Variants in FBXW12 observed in about 807,000 individuals in gnomAD.
FBXW12 encodes the protein F-box and WD repeat domain containing 12, also known as F-box/WD repeat-containing protein 12.
A neutral mutation model predicts 55.3 loss-of-function variants in FBXW12; 43 were observed. That is an observed-to-expected ratio of 0.78 (90% confidence interval 0.61 to 1.00). The LOEUF (loss-of-function observed/expected upper bound fraction) is 1.00. FBXW12 is among the 50% of genes least tolerant of loss of function. The pLI is 0.00. For synonymous variants in FBXW12, 184 were observed against 203.8 expected (o/e 0.90, Z 0.83); for missense variants, 524 against 560.5 (o/e 0.93, Z 0.66).
At chr3:48,373,844 G>A (rs1288047932) in intron 4 of FBXW12, 139 bp downstream of exon 4, 11 of 742,018 alleles carry the variant, frequency 1.5e-5, no homozygotes, top group Admixed American at 1.4e-4. Context: ...CTGGGTTGCC[G>A]TGATAGCCAT....
intron 6 of FBXW12, among the ~76,000 whole-genome samples, chr3:48,379,069 C>T (rs963135134): frequency 6.6e-6 from 1 of 152,162 alleles, no homozygotes; most frequent in African/African-American, 2.4e-5. Flanking sequence ...TTATATGTGC[C>T]TTTTCTTTCA....
chr3:48,372,447 C>G, intron 1 of FBXW12, 127 bp downstream of exon 1: 2 of 1,235,064 alleles, frequency 1.6e-6, no homozygotes, highest in East Asian at 2.6e-5. Flanking sequence ...GTTCTGACAA[C>G]TTCATCTGCA....
chr3:48,378,570 CTGTTG>C (rs766645801), intron 6 of FBXW12, 44 bp downstream of exon 6: 1 of 1,530,494 alleles, frequency 6.5e-7, no homozygotes, highest in Non-Finnish European at 9.0e-7. Flanking sequence ...AATCAAATGC[CTGTTG>C]TCTTGTCAGG....
At chr3:48,380,578 T>G in intron 7 of FBXW12, 124 bp from the exon 8 acceptor site, 2 of 699,720 alleles carry the variant, frequency 2.9e-6, no homozygotes, top group East Asian at 2.6e-5. Context: ...TCATCACTCC[T>G]GAGATATTGA....
In FBXW12 at chr3:48,380,719, C is replaced by G. The variant is rs2036754039; in HGVS notation, c.792C>G (p.Ser264=). ...CTCTTTAGGTATTCCTCACAGAGTC[C>G]TTACTGAGACCATCAGAAGGCAGTG... ...RTLPQVFLTE[S]LLRPSEGSVP... Residue 264 remains serine (S), a synonymous_variant, in exon 8 of 11, where the codon TCC becomes TCG. Coordinates refer to ENST00000296438, the MANE Select transcript of FBXW12 (RefSeq NM_207102.2). The G allele has an allele frequency of 6.2e-7, 1 of 1,613,736 alleles. No homozygotes were observed.
intron 6 of FBXW12, 88 bp downstream of exon 6, chr3:48,378,614 T>TC: frequency 3.8e-6 from 1 of 263,024 alleles, no homozygotes; most frequent in Non-Finnish European, 5.5e-6. Context: ...GTCCTATCCC[T>TC]TTTTTTTTTT....
intron 3 of FBXW12, 84 bp from the exon 4 acceptor site, chr3:48,373,464 G>A: frequency 6.2e-7 from 1 of 1,604,522 alleles, no homozygotes. Context: ...AAGTTAGTGT[G>A]AGTAGGGGGT....
At chr3:48,372,437 G>A in intron 1 of FBXW12, 117 bp downstream of exon 1, 1 of 1,320,096 alleles carries the variant, frequency 7.6e-7, no homozygotes, top group Non-Finnish European at 1.1e-6. Flanking sequence ...TTCCTAAAGG[G>A]TTCTGACAAC....
intron 10 of FBXW12, among the ~76,000 whole-genome samples, chr3:48,384,395 C>T (rs1257665542): frequency 6.6e-6 from 1 of 152,138 alleles, no homozygotes; most frequent in African/African-American, 2.4e-5. Context: ...TATCCCGCAA[C>T]CTTGCTAAAC....
chr3:48,381,749 C>G lies in FBXW12; in HGVS notation c.1035C>G (p.Ile345Met). Residue 345 changes from isoleucine (I) to methionine (M), a missense_variant, in exon 9 of 11, where the codon ATC becomes ATG. Coordinates refer to ENST00000296438, the MANE Select transcript of FBXW12 (RefSeq NM_207102.2). ...TGGCAGCTCATCTGAAGTGCCCTAT[C>G]TGGATGGGAGCCAGTGATGGATATA... ...FQVAAHLKCP[I>M]WMGASDGYMI... is the part of the protein sequence containing the mutation. The G allele has an allele frequency of 6.2e-7, 1 of 1,609,480 alleles. No homozygotes were observed. The highest frequency in any genetic ancestry group is 8.5e-7 in the Non-Finnish European group (1 of 1,177,126).
At chr3:48,394,376 TGC>T (rs2036975431) in intron 10 of FBXW12, among the ~76,000 whole-genome samples, 182 bp from the exon 11 acceptor site, 1 of 152,194 alleles carries the variant, frequency 6.6e-6, no homozygotes, top group African/African-American at 2.4e-5. Flanking sequence ...TTGCTATTCC[TGC>T]AAATAATAAT....
intron 5 of FBXW12, among the ~76,000 whole-genome samples, chr3:48,376,928 G>T (rs1455420407): frequency 6.6e-6 from 1 of 152,050 alleles, no homozygotes; most frequent in Non-Finnish European, 1.5e-5. Context: ...GTTATCCTGC[G>T]CTTACCCCAC....
At chr3:48,382,201 C>T in intron 10 of FBXW12, 116 bp downstream of exon 10, 1 of 1,162,406 alleles carries the variant, frequency 8.6e-7, no homozygotes, top group Non-Finnish European at 1.2e-6. Context: ...ACTGCAACCT[C>T]CGACTCCCGG....
chr3:48,376,623 G>A (rs2036690175), intron 5 of FBXW12, among the ~76,000 whole-genome samples: 1 of 152,036 alleles, frequency 6.6e-6, no homozygotes, highest in Admixed American at 6.5e-5. Flanking sequence ...GATTTAAAGG[G>A]GCCAAAACAC....
At chr3:48,378,588 TC>T in intron 6 of FBXW12, 62 bp downstream of exon 6, 1 of 1,263,358 alleles carries the variant, frequency 7.9e-7, no homozygotes. Context: ...TTGTCAGGCA[TC>T]CGTGTCACAT....
intron 8 of FBXW12, among the ~76,000 whole-genome samples, chr3:48,381,312 G>A (rs1560032118): frequency 1.3e-5 from 2 of 151,972 alleles, no homozygotes; most frequent in Admixed American, 6.5e-5. Context: ...GTGAGCCATC[G>A]CACCCGGCCA....
chr3:48,388,774 A>C (rs1315916680), intron 10 of FBXW12, among the ~76,000 whole-genome samples: 1 of 152,220 alleles, frequency 6.6e-6, no homozygotes, highest in African/African-American at 2.4e-5. Flanking sequence ...TTTATGGGGT[A>C]CAATATGATG....
At chr3:48,381,615 A>C (rs1267181513) in intron 8 of FBXW12, 85 bp from the exon 9 acceptor site, 12 of 1,393,352 alleles carry the variant, frequency 8.6e-6, no homozygotes, top group Middle Eastern at 1.9e-4. Flanking sequence ...TTTTTTATTC[A>C]GTGTGAGGAT....
At chr3:48,382,177 C>G in intron 10 of FBXW12, 92 bp downstream of exon 10, 5 of 1,411,954 alleles carry the variant, frequency 3.5e-6, no homozygotes, top group Non-Finnish European at 4.9e-6. Context: ...AGTGCAGTGG[C>G]GTGATCTCAA....
Sources: gnomAD v4.1 joint callset for allele counts (sites outside exome capture counted in the v4.1 genomes callset) on GRCh38, gnomAD v4.1.1 for gene constraint, MANE v1.5 for transcripts, NCBI Gene and HGNC (gene_info 2026-07-23, HGNC 2026-07-21) for gene names.